The following CAMK2D variants were observed in gnomAD, a reference collection of about 807,000 sequenced individuals.
CAMK2D encodes calcium/calmodulin dependent protein kinase II delta.
A neutral mutation model predicts 84.0 loss-of-function variants in CAMK2D; 37 were observed. The observed-to-expected ratio is 0.44, with a 90% CI of 0.34 to 0.58. The LOEUF (loss-of-function observed/expected upper bound fraction) is 0.58, where lower values mean the gene tolerates loss of function less well. CAMK2D is among the 20% of genes least tolerant of loss of function. The probability of loss-of-function intolerance (pLI) is 0.02; values close to 1 mark genes in which losing one functional copy is unlikely to be tolerated. For missense variants in CAMK2D, 448 were observed against 652.5 expected, an observed-to-expected ratio of 0.69 and a Z score of 3.41; for synonymous variants, 202 against 212.5, an observed-to-expected ratio of 0.95 and a Z score of 0.43.
At chr4:113,455,923 C>A (rs1250436850) in intron 19 of CAMK2D, 102 bp from the exon 20 acceptor site, 2 of 696,176 alleles carry the variant, frequency 2.9e-6, no homozygotes, top group Non-Finnish European at 5.2e-6. Context: ...AAAACCTAAA[C>A]CCCTGGTACT....
intron 4 of CAMK2D, among the ~76,000 whole-genome samples, chr4:113,558,597 G>A (rs901636100): frequency 2.6e-5 from 4 of 152,172 alleles, no homozygotes; most frequent in Non-Finnish European, 5.9e-5. Context: ...TTTGTTATCT[G>A]AGAGGGTCCT....
In CAMK2D at chr4:113,493,097, A is replaced by G. The variant is rs1467294192; in HGVS notation, c.1135+7366T>C. ...CTGATGGGTCTTGACTCTTTATCCAATTTGCCAGTCTGTGTCTTTTAATTG... is the reference window on the plus strand; with the variant it reads ...CTGATGGGTCTTGACTCTTTATCCAGTTTGCCAGTCTGTGTCTTTTAATTG... On this transcript the variant is annotated intron_variant, in intron 16 of 20. Transcript: ENST00000511664. Among the ~76,000 whole-genome samples the G allele has an allele frequency of 1.2e-4, 17 of 143,658 alleles. No individual in the cohort carries two copies. The East Asian group carries it at 3.4e-3, about 29-fold the overall frequency. The allele number at this position is 143,658 out of a possible 152,430, so 94.2% of individuals were successfully genotyped here.
chr4:113,740,850 A>T (rs1343933627), intron 2 of CAMK2D, among the ~76,000 whole-genome samples: 2 of 152,174 alleles, frequency 1.3e-5, no homozygotes, highest in African/African-American at 2.4e-5. Context: ...CTCTTAATTC[A>T]GTTTTGCTTT....
At chr4:113,750,284 T>TG (rs1356072630) in intron 2 of CAMK2D, among the ~76,000 whole-genome samples, 1 of 152,146 alleles carries the variant, frequency 6.6e-6, no homozygotes, top group Non-Finnish European at 1.5e-5. Flanking sequence ...GAGAGAGTAC[T>TG]GCAACAGTAC....
chr4:113,520,683 T>G (rs1021265615), intron 8 of CAMK2D, among the ~76,000 whole-genome samples: 2 of 152,134 alleles, frequency 1.3e-5, no homozygotes, highest in African/African-American at 2.4e-5. Flanking sequence ...GTATCTCTCA[T>G]GACACTAGCA....
chr4:113,563,599 A>G (rs940245311), intron 4 of CAMK2D, among the ~76,000 whole-genome samples: 2 of 152,234 alleles, frequency 1.3e-5, no homozygotes, highest in African/African-American at 4.8e-5. Context: ...TAGTGGTTCA[A>G]TGGGTAGTTT....
intron 3 of CAMK2D, among the ~76,000 whole-genome samples, chr4:113,610,674 G>A (rs537788310): frequency 1.3e-5 from 2 of 152,136 alleles, no homozygotes; most frequent in East Asian, 3.9e-4. Context: ...TATACTGTAG[G>A]TGACTGGGAA....
intron 2 of CAMK2D, among the ~76,000 whole-genome samples, chr4:113,668,626 T>TA (rs894155394): frequency 1.3e-5 from 2 of 152,180 alleles, no homozygotes; most frequent in Non-Finnish European, 1.5e-5. Flanking sequence ...CTGTTTTTCA[T>TA]AAAATCATAT....
At chr4:113,696,439 G>C (rs1431381937) in intron 2 of CAMK2D, among the ~76,000 whole-genome samples, 1 of 151,994 alleles carries the variant, frequency 6.6e-6, no homozygotes, top group South Asian at 2.1e-4. Flanking sequence ...TATTAAGTTG[G>C]TGGATCCATT....
At chr4:113,744,560 C>T (rs906004885) in intron 2 of CAMK2D, among the ~76,000 whole-genome samples, 2 of 152,190 alleles carry the variant, frequency 1.3e-5, no homozygotes, top group Non-Finnish European at 1.5e-5. Flanking sequence ...TTTCCCTACA[C>T]CACTATCCTA....
At chr4:113,489,064 G>T (rs910837457) in intron 16 of CAMK2D, among the ~76,000 whole-genome samples, 1 of 152,068 alleles carries the variant, frequency 6.6e-6, no homozygotes, top group Non-Finnish European at 1.5e-5. Flanking sequence ...AATAAATTCT[G>T]CATCAGTCAT....
At chr4:113,483,356 T>C (rs1244875717) in intron 16 of CAMK2D, among the ~76,000 whole-genome samples, 1 of 152,200 alleles carries the variant, frequency 6.6e-6, no homozygotes, top group Non-Finnish European at 1.5e-5. Context: ...GTTACATTCA[T>C]CTGAAGCATT....
At chr4:113,747,319 T>TTTAA (rs1554093408) in intron 2 of CAMK2D, among the ~76,000 whole-genome samples, 20,241 of 147,256 alleles carry the variant, frequency 0.14, 1,568 homozygotes, top group East Asian at 0.32. Flanking sequence ...TTTTTTTTTT[T>TTTAA]AAATTCAATA....
At chr4:113,649,267 G>A (rs535221012) in intron 3 of CAMK2D, among the ~76,000 whole-genome samples, 1 of 152,140 alleles carries the variant, frequency 6.6e-6, no homozygotes, top group Non-Finnish European at 1.5e-5. Context: ...TACTAAATCT[G>A]TCCTAAAAAA....
At chr4:113,639,996 C>T (rs905538298) in intron 3 of CAMK2D, among the ~76,000 whole-genome samples, 1 of 151,892 alleles carries the variant, frequency 6.6e-6, no homozygotes, top group African/African-American at 2.4e-5. Flanking sequence ...GATTTAAAAG[C>T]CACTGAGAAA....
intron 2 of CAMK2D, among the ~76,000 whole-genome samples, chr4:113,698,292 T>C (rs951098826): frequency 6.6e-6 from 1 of 152,104 alleles, no homozygotes; most frequent in African/African-American, 2.4e-5. Flanking sequence ...CAAACCATCA[T>C]GGATACCATC....
chr4:113,750,144 A>G (rs373915457), intron 2 of CAMK2D, among the ~76,000 whole-genome samples: 3 of 152,380 alleles, frequency 2.0e-5, no homozygotes, highest in Admixed American at 2.0e-4. Flanking sequence ...GGCAAGCTCC[A>G]TAAGATATGA....
intron 2 of CAMK2D, among the ~76,000 whole-genome samples, chr4:113,687,391 C>CTCTTCT (rs1287739156): frequency 6.6e-6 from 1 of 152,118 alleles, no homozygotes; most frequent in African/African-American, 2.4e-5. Flanking sequence ...GTCACAAACC[C>CTCTTCT]TCTTCTTAAG....
intron 16 of CAMK2D, among the ~76,000 whole-genome samples, chr4:113,472,210 C>T (rs187936813): frequency 2.6e-5 from 4 of 152,242 alleles, no homozygotes; most frequent in South Asian, 2.1e-4. Flanking sequence ...ACTGAGTCAA[C>T]GTCCATAAAT....
Sources: allele counts gnomAD v4.1 joint callset (sites outside exome capture counted in the v4.1 genomes callset), GRCh38; gene constraint gnomAD v4.1.1; transcripts MANE v1.5; gene names NCBI Gene and HGNC (gene_info 2026-07-23, HGNC 2026-07-21).